The following RAPGEF2 variants were observed in gnomAD, a reference collection of about 807,000 sequenced individuals.
RAPGEF2 encodes Rap guanine nucleotide exchange factor 2.
RAPGEF2 carries 54 observed loss-of-function variants against 186.7 expected under a neutral mutation model. The ratio of observed to expected loss-of-function variants is 0.29; its 90% CI spans 0.23 to 0.36. The LOEUF (loss-of-function observed/expected upper bound fraction) is 0.36, where lower values mean the gene tolerates loss of function less well. Ranked by LOEUF, RAPGEF2 falls within the 10% of genes least tolerant of loss-of-function variation. RAPGEF2 has a pLI of 1.00. For missense variants in RAPGEF2, 1,532 were observed against 2,045.0 expected (o/e 0.75, Z 4.84); for synonymous variants, 712 against 705.9 (o/e 1.01, Z -0.14).
intron 1 of RAPGEF2, among the ~76,000 whole-genome samples, chr4:159,112,111 G>A (rs940786160): frequency 1.3e-5 from 2 of 152,108 alleles, no homozygotes; most frequent in Non-Finnish European, 2.9e-5. Flanking sequence ...CTCCCCCTGC[G>A]CAGCATCATT....
In RAPGEF2 at chr4:159,330,245, A is replaced by ATG. The variant is rs1269716827; in HGVS notation, c.1303-79_1303-78dup. 75 of 868,710 alleles carry ATG rather than the reference A, an allele frequency of 8.6e-5. No individual in the cohort carries two copies. The South Asian group carries it at 1.1e-3, about 13-fold the overall frequency. 53.8% of individuals were successfully genotyped at this position (868,710 alleles called of 1,614,324 possible). A position where few individuals can be genotyped will look rare whatever the true frequency, so the allele number is the denominator to read the frequency against. On this transcript the variant is annotated intron_variant, in intron 12 of 29. Coordinates refer to ENST00000691494, the MANE Select transcript of RAPGEF2 (RefSeq NM_001394067.2). Reference sequence around the variant, plus strand: ...TCCCAGTACCATATAAATGTCATATATGTGTGTGTGTATATGTATATGTGT... The same window carrying ATG: ...TCCCAGTACCATATAAATGTCATATATGTGTGTGTGTGTATATGTATATGTGT...
chr4:159,347,238 G>A (rs1436581674), intron 25 of RAPGEF2, among the ~76,000 whole-genome samples: 1 of 152,210 alleles, frequency 6.6e-6, no homozygotes, highest in Non-Finnish European at 1.5e-5. Context: ...GGTGTTAATA[G>A]AGAAGTTATG....
At chr4:159,276,089 T>G (rs1192400974) in intron 7 of RAPGEF2, among the ~76,000 whole-genome samples, 3 of 152,142 alleles carry the variant, frequency 2.0e-5, no homozygotes, top group Non-Finnish European at 4.4e-5. Flanking sequence ...TTAATTGTAG[T>G]GAAAAAGGAG....
chr4:159,328,239 A>C (rs1363084616), intron 11 of RAPGEF2: 2 of 152,160 alleles, frequency 1.3e-5, no homozygotes. Flanking sequence ...GAAACTAAGG[A>C]TCATGTATTT....
At chr4:159,246,003 T>G (rs1422414108) in intron 7 of RAPGEF2, among the ~76,000 whole-genome samples, 1 of 152,124 alleles carries the variant, frequency 6.6e-6, no homozygotes, top group Non-Finnish European at 1.5e-5. Context: ...ATGGCTCCAC[T>G]TTATACAAAT....
chr4:159,144,243 A>T (rs11934855), intron 1 of RAPGEF2, among the ~76,000 whole-genome samples: 1 of 152,022 alleles, frequency 6.6e-6, no homozygotes, highest in East Asian at 1.9e-4. Flanking sequence ...TCATTCTGCA[A>T]CTTACCTTAG....
intron 7 of RAPGEF2, among the ~76,000 whole-genome samples, chr4:159,259,962 T>C (rs1027628149): frequency 2.0e-5 from 3 of 152,124 alleles, no homozygotes; most frequent in African/African-American, 7.2e-5. Context: ...TCTATTGTCC[T>C]ATTATCACTG....
chr4:159,298,814 C>T (rs1762320555), intron 7 of RAPGEF2, among the ~76,000 whole-genome samples: 3 of 152,116 alleles, frequency 2.0e-5, no homozygotes, highest in South Asian at 4.1e-4. Flanking sequence ...TGGAAGGGAC[C>T]TGCGCCTTGC....
At chr4:159,357,806 AT>A (rs1186533141) in intron 29 of RAPGEF2, among the ~76,000 whole-genome samples, 12 of 152,156 alleles carry the variant, frequency 7.9e-5, no homozygotes, top group East Asian at 7.7e-4. Context: ...CTGATCGTAT[AT>A]TTTTTTTAAA....
intron 1 of RAPGEF2, among the ~76,000 whole-genome samples, chr4:159,121,905 G>T (rs1245222400): frequency 6.6e-6 from 1 of 151,068 alleles, no homozygotes; most frequent in Non-Finnish European, 1.5e-5. Context: ...GGCATAGGTG[G>T]TGCATGCCTG....
chr4:159,150,779 G>A (rs1301176842), intron 1 of RAPGEF2, among the ~76,000 whole-genome samples: 3 of 152,176 alleles, frequency 2.0e-5, no homozygotes, highest in African/African-American at 2.4e-5. Context: ...TCACGAATAC[G>A]GAATCCTTGA....
chr4:159,111,037 CTTGTT>C (rs1738435875), intron 1 of RAPGEF2, among the ~76,000 whole-genome samples: 1 of 151,752 alleles, frequency 6.6e-6, no homozygotes. Flanking sequence ...AAAAACCACC[CTTGTT>C]TTCACATGCA....
intron 17 of RAPGEF2, among the ~76,000 whole-genome samples, chr4:159,336,155 TTA>T (rs1255801920): frequency 3.5e-5 from 3 of 86,938 alleles, no homozygotes; most frequent in African/African-American, 8.0e-5. Context: ...GAAATTGTCT[TTA>T]TTTTTTTTTT....
chr4:159,315,362 A>G (rs1579904030), intron 9 of RAPGEF2, among the ~76,000 whole-genome samples: 1 of 150,260 alleles, frequency 6.7e-6, no homozygotes, highest in East Asian at 1.9e-4. Context: ...ACATAGGAAA[A>G]CCTGTGTCAT....
chr4:159,352,817 G>A lies in RAPGEF2; in HGVS notation c.3998G>A (p.Arg1333His), dbSNP rs373371689. Residue 1333 changes from arginine to histidine, a missense_variant, in exon 27 of 30, where the codon CGC becomes CAC. Arg to His is a conservative substitution (Grantham distance 29). Transcript: ENST00000691494. ...SVPVSLHDER[R>H]QRHSVSIVET... Reference sequence around the variant, plus strand: ...CCAGTCTCACTGCACGATGAGAGGCGCCAGAGGCATTCTGTCAGCATCGTG... The same window carrying A: ...CCAGTCTCACTGCACGATGAGAGGCACCAGAGGCATTCTGTCAGCATCGTG... The A allele has an allele frequency of 2.5e-5, 40 of 1,614,084 alleles. No homozygotes were observed. The highest frequency in any genetic ancestry group is 1.8e-4 in the South Asian group (16 of 91,084).
intron 1 of RAPGEF2, among the ~76,000 whole-genome samples, chr4:159,141,738 T>G (rs545307314): frequency 7.4e-4 from 112 of 152,348 alleles, no homozygotes; most frequent in Non-Finnish European, 1.4e-3. Flanking sequence ...TTTGCCAATC[T>G]GAGAAGTGAA....
chr4:159,208,736 CTATG>C (rs1750207912), intron 3 of RAPGEF2, among the ~76,000 whole-genome samples: 1 of 152,096 alleles, frequency 6.6e-6, no homozygotes, highest in African/African-American at 2.4e-5. Flanking sequence ...ATGCAATTGA[CTATG>C]TGTGATAAAA....
At chr4:159,268,315 G>T in intron 7 of RAPGEF2, 1 of 1,029,570 alleles carries the variant, frequency 9.7e-7, no homozygotes. Context: ...AACAGTTTTT[G>T]TAGAAGGTAT....
intron 11 of RAPGEF2, chr4:159,328,062 T>G (rs1766177766): frequency 6.6e-6 from 1 of 152,190 alleles, no homozygotes; most frequent in Non-Finnish European, 1.5e-5. Context: ...ATGTATTTCT[T>G]TTTTAGAAGA....
Sources: allele counts gnomAD v4.1 joint callset (sites outside exome capture counted in the v4.1 genomes callset), GRCh38; gene constraint gnomAD v4.1.1; transcripts MANE v1.5; gene names NCBI Gene and HGNC (gene_info 2026-07-23, HGNC 2026-07-21).